Variants in VPS16 observed in about 807,000 individuals in gnomAD.
VPS16 encodes the protein vacuolar protein sorting-associated protein 16 homolog.
A neutral mutation model predicts 116.0 loss-of-function variants in VPS16; 82 were observed. The observed-to-expected ratio is 0.71, with a 90% CI of 0.59 to 0.85. VPS16 has a LOEUF of 0.85. Among genes scored for constraint, VPS16 ranks in the 40% least tolerant of loss-of-function variants. VPS16 has a pLI of 0.00. For synonymous variants in VPS16, 406 were observed against 420.7 expected (o/e 0.96, Z 0.43); for missense variants, 928 against 1,090.6 (o/e 0.85, Z 2.10).
At chr20:2,862,183 G>A (rs560080199) in intron 11 of VPS16, 53 bp downstream of exon 11, 30 of 1,562,746 alleles carry the variant, frequency 1.9e-5, no homozygotes, top group East Asian at 1.4e-4. Context: ...CTGCCCCTGC[G>A]TGGGCATGTG....
intron 1 of VPS16, among the ~76,000 whole-genome samples, chr20:2,842,871 T>C (rs74945335): frequency 5.8e-3 from 734 of 126,520 alleles, no homozygotes; most frequent in East Asian, 0.016. Flanking sequence ...TATCGATAGA[T>C]AGATAGATGT....
chr20:2,849,577 A>G (rs933400900), intron 1 of VPS16, among the ~76,000 whole-genome samples: 4 of 151,522 alleles, frequency 2.6e-5, no homozygotes, highest in Non-Finnish European at 5.9e-5. Flanking sequence ...GAGATTACAG[A>G]TGTGAGCTAC....
chr20:2,850,607 A>G (rs1173996332), intron 1 of VPS16, among the ~76,000 whole-genome samples: 1 of 152,180 alleles, frequency 6.6e-6, no homozygotes, highest in Non-Finnish European at 1.5e-5. Flanking sequence ...GCCTGGCAAC[A>G]GAGTGAGACG....
At position 2,865,336 on chromosome 20, in the gene VPS16, T is replaced by TGCATGTGGGTCCCAGGAC. The variant is rs1439896627; in HGVS notation, c.2174+20_2174+37dup. On this transcript the variant is annotated intron_variant, in intron 21 of 23. Coordinates refer to ENST00000380445, the MANE Select transcript of VPS16 (RefSeq NM_022575.4). This position sits in a 1 kb window ranked among gnomAD's most constrained non-coding sequence, Gnocchi z 5.2. ...ACAAGAGGTAGGTGAGGGCCCAGGC[T>TGCATGTGGGTCCCAGGAC]GCATGTGGGTCCCAGGACCACCTGC... 7.4e-6 allele frequency: 12 copies of TGCATGTGGGTCCCAGGAC among 1,614,032 alleles called. No homozygotes were observed. Among genetic ancestry groups the TGCATGTGGGTCCCAGGAC allele is most frequent in the Non-Finnish European group, 1.0e-5 (12 of 1,180,010 alleles).
chr20:2,860,656 AC>A lies in VPS16; in HGVS notation c.514+66del. The A allele has an allele frequency of 6.2e-7, 1 of 1,609,842 alleles. No homozygotes were observed. The highest frequency in any genetic ancestry group is 8.5e-7 in the Non-Finnish European group (1 of 1,177,792). On this transcript the variant is annotated intron_variant, in intron 5 of 23. Transcript: ENST00000380445. This position sits in a 1 kb window ranked among gnomAD's most constrained non-coding sequence, Gnocchi z 6.1. Reference sequence around the variant, plus strand: ...CACAGATGTGCCTCTAGCCTGTGAGACCCATAAAAACAGAAGCTGTGGCTAG... The same window carrying A: ...CACAGATGTGCCTCTAGCCTGTGAGACCATAAAAACAGAAGCTGTGGCTAG...
At chr20:2,849,811 T>G (rs1198237351) in intron 1 of VPS16, among the ~76,000 whole-genome samples, 1 of 152,232 alleles carries the variant, frequency 6.6e-6, no homozygotes, top group East Asian at 1.9e-4. Context: ...AGCACATGTT[T>G]CAGTTACCAT....
At chr20:2,847,582 A>C (rs1308933066) in intron 1 of VPS16, among the ~76,000 whole-genome samples, 1 of 151,620 alleles carries the variant, frequency 6.6e-6, no homozygotes, top group Admixed American at 6.6e-5. Flanking sequence ...GGGTTCAAGC[A>C]AATCTCCTGC....
Position 2,841,072 on chromosome 20 carries a change from G to A in VPS16, c.53+245G>A, listed in dbSNP as rs1599961462. The A allele has an allele frequency of 4.2e-5, 23 of 547,934 alleles. No individual in the cohort carries two copies. In the East Asian group the frequency reaches 7.2e-4, roughly 17 times the overall value. 33.9% of individuals were successfully genotyped at this position (547,934 alleles called of 1,614,324 possible). On this transcript the variant is annotated intron_variant, in intron 1 of 23. Coordinates refer to ENST00000380445, the MANE Select transcript of VPS16 (RefSeq NM_022575.4). ...CCGAAGCCCAGGTCTGTTAGCCTCCGGAAAGATGCTCAGATCTCGCTGAGG... is the reference window on the plus strand; with the variant it reads ...CCGAAGCCCAGGTCTGTTAGCCTCCAGAAAGATGCTCAGATCTCGCTGAGG...
chr20:2,862,557 G>A lies in VPS16; in HGVS notation c.1072-22G>A, dbSNP rs2089243723. ...GAGTGTTCTCTGTCATGATGCCCTG[G>A]CTCTGGACTGCTCCCCACCAGAAAG... On this transcript the variant is annotated intron_variant, in intron 11 of 23. Transcript: ENST00000380445. 2 of 1,610,114 alleles carry A rather than the reference G, an allele frequency of 1.2e-6. No individual in the cohort carries two copies. Among genetic ancestry groups the A allele is most frequent in the Non-Finnish European group, 1.7e-6 (2 of 1,178,138 alleles).
At chr20:2,847,769 A>ACCCGGCCCCGCC (rs2089076408) in intron 1 of VPS16, among the ~76,000 whole-genome samples, 3 of 151,744 alleles carry the variant, frequency 2.0e-5, no homozygotes, top group African/African-American at 7.3e-5. Flanking sequence ...GAGCCACCGC[A>ACCCGGCCCCGCC]CCCAGCCCCG....
In VPS16 at chr20:2,864,465, G is replaced by A. The variant is rs760456730; in HGVS notation, c.1818+3G>A. On this transcript the variant is annotated splice_donor_region_variant and intron_variant, in intron 18 of 23. Transcript: ENST00000380445. The surrounding 1 kb of genome is among the most constrained non-coding windows in gnomAD (Gnocchi z 5.2). The stretch of plus-strand genomic sequence containing the variant: ...TGGCCCTCAGTTTGTACCGACAGGT[G>A]TGTGTAGTGGGCAGGGTTGTGGTGT... 1.9e-6 allele frequency: 3 copies of A among 1,614,070 alleles called. No individual in the cohort carries two copies. The highest frequency in any genetic ancestry group is 1.1e-5 in the South Asian group (1 of 91,086).
At position 2,861,039 on chromosome 20, in the gene VPS16, C is replaced by G; in HGVS notation, c.700C>G (p.Leu234Val). ...GGCTGTCTCCTTCACCTACCGACACCTGGCACTCTTCACAGACACAGGCTA... is the reference window on the plus strand; with the variant it reads ...GGCTGTCTCCTTCACCTACCGACACGTGGCACTCTTCACAGACACAGGCTA... ...QMAVSFTYRH[L>V]ALFTDTGYIW... The change falls in exon 7 of 24, where the codon CTG (leucine) becomes GTG (valine). Residue 234 changes from leucine (L) to valine (V), a missense_variant. Leu to Val is a conservative substitution (Grantham distance 32). Transcript: ENST00000380445. The G allele has an allele frequency of 6.2e-7, 1 of 1,614,198 alleles. No individual in the cohort carries two copies. Among genetic ancestry groups the G allele is most frequent in the African/African-American group, 1.3e-5 (1 of 75,040 alleles).
chr20:2,860,427 AC>A lies in VPS16; in HGVS notation c.370-19del. The A allele has an allele frequency of 2.5e-6, 4 of 1,613,948 alleles. No homozygotes were observed. Among genetic ancestry groups the A allele is most frequent in the Admixed American group, 1.7e-5 (1 of 60,006 alleles). ...AGTTTATGACCCTGTGGCTCCCTTA[AC>A]CCATGGCCCCCTTTCCTCAGGAAGT... On this transcript the variant is annotated intron_variant, in intron 4 of 23. Transcript: ENST00000380445. This position sits in a 1 kb window ranked among gnomAD's most constrained non-coding sequence, Gnocchi z 6.1.
rs370389247 is a variant in VPS16 at position 2,863,333 on chromosome 20, G to A, written c.1411G>A (p.Glu471Lys). ...TTACCCCCTGGCCATCCAGATATGCGAGTACTTGCGCCTTCCTGAAGTACA... is the reference window on the plus strand; with the variant it reads ...TTACCCCCTGGCCATCCAGATATGCAAGTACTTGCGCCTTCCTGAAGTACA... The part of the protein sequence containing the change: ...RLYPLAIQIC[E>K]YLRLPEVQGV... The change falls in exon 15 of 24, where the codon GAG becomes AAG. Residue 471 changes from glutamate (E) to lysine (K), a missense_variant. Transcript: ENST00000380445. The surrounding 1 kb of genome is among the most constrained non-coding windows in gnomAD (Gnocchi z 4.4). The A allele has an allele frequency of 1.4e-4, 223 of 1,614,082 alleles. No homozygotes were observed. The highest frequency in any genetic ancestry group is 1.7e-4 in the Non-Finnish European group (206 of 1,180,058).
rs1568630416 is a variant in VPS16, at chr20:2,864,954, A to G, written c.1927-24A>G. On this transcript the variant is annotated intron_variant, in intron 19 of 23. Transcript: ENST00000380445. The surrounding 1 kb of genome is among the most constrained non-coding windows in gnomAD (Gnocchi z 5.2). Reference sequence around the variant, plus strand: ...CGAGGGTCCTGCATGCTGTGAGTTCAGGCCTTCCTTCTTGTCTTTATAGCG... The same window carrying G: ...CGAGGGTCCTGCATGCTGTGAGTTCGGGCCTTCCTTCTTGTCTTTATAGCG... 1.2e-6 allele frequency: 2 copies of G among 1,613,972 alleles called. No homozygotes were observed. Among genetic ancestry groups the G allele is most frequent in the Non-Finnish European group, 1.7e-6 (2 of 1,179,894 alleles).
Position 2,864,778 on chromosome 20 carries a change from A to G in VPS16, c.1926+124A>G. On this transcript the variant is annotated intron_variant, in intron 19 of 23. Coordinates refer to ENST00000380445, the MANE Select transcript of VPS16 (RefSeq NM_022575.4). This position sits in a 1 kb window ranked among gnomAD's most constrained non-coding sequence, Gnocchi z 5.2. ...CTCCATCTGGTCCTCACTGTGAGGG[A>G]GACTCTGACGTGAGGCCAGGATGGG... 8.3e-7 allele frequency: 1 copy of G among 1,203,036 alleles called. No homozygotes were observed. The highest frequency in any genetic ancestry group is 1.2e-6 in the Non-Finnish European group (1 of 837,496). The allele number at this position is 1,203,036 out of a possible 1,614,324, so 74.5% of individuals were successfully genotyped here.
intron 1 of VPS16, among the ~76,000 whole-genome samples, chr20:2,843,125 C>G (rs555387389): frequency 1.1e-4 from 17 of 152,254 alleles, no homozygotes; most frequent in South Asian, 4.1e-4. Flanking sequence ...ATTTATAATT[C>G]TCTCTTAGAA....
At chr20:2,842,630 C>A (rs1191008069) in intron 1 of VPS16, among the ~76,000 whole-genome samples, 3 of 110,054 alleles carry the variant, frequency 2.7e-5, no homozygotes, top group African/African-American at 7.2e-5. Flanking sequence ...CTATCTATAT[C>A]TATCTATAGA....
intron 1 of VPS16, among the ~76,000 whole-genome samples, chr20:2,856,217 T>C (rs1194756301): frequency 6.6e-6 from 1 of 152,092 alleles, no homozygotes; most frequent in Non-Finnish European, 1.5e-5. Flanking sequence ...AGAGAGACGA[T>C]CGGGGAACGG....
Sources: allele counts gnomAD v4.1 joint callset (sites outside exome capture counted in the v4.1 genomes callset), GRCh38; gene constraint gnomAD v4.1.1; non-coding constraint Gnocchi (gnomAD v3.1); transcripts MANE v1.5; gene names NCBI Gene and HGNC (gene_info 2026-07-23, HGNC 2026-07-21).